Variants in MYO15A observed in about 807,000 individuals in gnomAD.
The protein encoded by MYO15A is myosin XVA, also known as unconventional myosin-XV.
In MYO15A, 308 loss-of-function variants were observed where a neutral mutation model predicts 394.6. The observed-to-expected ratio is 0.78, with a 90% CI of 0.71 to 0.86. The LOEUF (loss-of-function observed/expected upper bound fraction) is 0.86, where lower values mean the gene tolerates loss of function less well. Ranked by LOEUF, MYO15A falls within the 40% of genes least tolerant of loss-of-function variation. The pLI is 0.00. For missense variants in MYO15A, 4,606 were observed against 4,799.1 expected (o/e 0.96, Z 1.19); for synonymous variants, 1,957 against 2,003.8 (o/e 0.98, Z 0.62).
chr17:18,122,201 C>A lies in MYO15A; in HGVS notation c.3401C>A (p.Thr1134Asn), dbSNP rs1272560259. 2 of 1,613,050 alleles carry A rather than the reference C, an allele frequency of 1.2e-6. No homozygotes were observed. Among genetic ancestry groups the A allele is most frequent in the South Asian group, 1.1e-5 (1 of 91,096 alleles). ...LSSFQRVGPA[T>N]LKPQVQPIQD... ...TCTTTCCAGCGAGTTGGGCCTGCAA[C>A]CCTGAAGCCTCAAGTCCAGCCCATT... Residue 1134 changes from threonine (T) to asparagine (N), a missense_variant, in exon 2 of 66, where the codon ACC becomes AAC. Coordinates refer to ENST00000647165, the MANE Select transcript of MYO15A (RefSeq NM_016239.4).
At chr17:18,158,175 G>C (rs1465927019) in intron 51 of MYO15A, 1 of 594,926 alleles carries the variant, frequency 1.7e-6, no homozygotes, top group African/African-American at 1.9e-5. Context: ...AGACCAGCCG[G>C]GGCCCGCCAG....
chr17:18,142,552 C>A (rs1469421311), intron 24 of MYO15A, among the ~76,000 whole-genome samples: 1 of 152,216 alleles, frequency 6.6e-6, no homozygotes, highest in African/African-American at 2.4e-5. Flanking sequence ...CAGGTTTAAT[C>A]CAGGCCTTGC....
chr17:18,148,111 C>G lies in MYO15A; in HGVS notation c.6592C>G (p.Gln2198Glu). Residue 2198 changes from glutamine (Q) to glutamate (E), a missense_variant, in exon 31 of 66, where the codon CAG (glutamine) becomes GAG (glutamate). By Grantham distance (29) the Gln-to-Glu change is conservative. Around this residue, in one of 2 missense-constraint regions of MYO15A, gnomAD observed 2,776 missense variants for 3,109.3 expected, o/e 0.89. Transcript: ENST00000647165. This position sits in a 1 kb window ranked among gnomAD's most constrained non-coding sequence, Gnocchi z 4.8. Reference sequence around the variant, plus strand: ...GCAGGCCATGGGCCGGGCCCAACAGCAGGGCTCGGGGGCTGCCCGCACCTT... The same window carrying G: ...GCAGGCCATGGGCCGGGCCCAACAGGAGGGCTCGGGGGCTGCCCGCACCTT... ...LMQAMGRAQQ[Q>E]GSGAARTLPP... 1 of 1,613,926 alleles carries G rather than the reference C, an allele frequency of 6.2e-7. No individual in the cohort carries two copies. The highest frequency in any genetic ancestry group is 8.5e-7 in the Non-Finnish European group (1 of 1,180,034).
Position 18,148,327 on chromosome 17 carries a change from T to C in MYO15A, c.6691+117T>C. ...AGCTGGGGAGGGGCCTTCTCAGATG[T>C]GGCTCTGCGTGAAAGTCTGTGTGTG... On this transcript the variant is annotated intron_variant, in intron 31 of 65. Coordinates refer to ENST00000647165, the MANE Select transcript of MYO15A (RefSeq NM_016239.4). This position sits in a 1 kb window ranked among gnomAD's most constrained non-coding sequence, Gnocchi z 4.8. 6.7e-7 allele frequency: 1 copy of C among 1,487,796 alleles called. No individual in the cohort carries two copies. Among genetic ancestry groups the C allele is most frequent in the East Asian group, 2.5e-5 (1 of 40,804 alleles). 92.2% of individuals were successfully genotyped at this position (1,487,796 alleles called of 1,614,324 possible). A position where few individuals can be genotyped will look rare whatever the true frequency, so the allele number is the denominator to read the frequency against.
In MYO15A at chr17:18,162,488, G is replaced by T. The variant is rs1364470992; in HGVS notation, c.9518-97G>T. The T allele has an allele frequency of 3.7e-6, 4 of 1,076,126 alleles. No individual in the cohort carries two copies. The African/African-American group carries it at 6.2e-5, about 17-fold the overall frequency. The allele number at this position is 1,076,126 out of a possible 1,614,324, so 66.7% of individuals were successfully genotyped here. ...GTAAATGCCTTCCCCACAGCTTGTG[G>T]AGAGAATGCAGTGGGCTCATGGTTG... On this transcript the variant is annotated intron_variant, in intron 57 of 65. Transcript: ENST00000647165.
chr17:18,160,108 C>A, intron 56 of MYO15A, 91 bp downstream of exon 56: 1 of 1,256,220 alleles, frequency 8.0e-7, no homozygotes, highest in Non-Finnish European at 1.1e-6. Context: ...CAGGCCTGAC[C>A]CCTCCTGGAT....
At chr17:18,171,474 A>T (rs1429119593) in intron 62 of MYO15A, among the ~76,000 whole-genome samples, 164 bp from the exon 63 acceptor site, 1 of 152,184 alleles carries the variant, frequency 6.6e-6, no homozygotes, top group Non-Finnish European at 1.5e-5. Context: ...GTACCAAGGC[A>T]CTGTGGGCAC....
chr17:18,161,099 G>A, intron 56 of MYO15A: 1 of 701,730 alleles, frequency 1.4e-6, no homozygotes, highest in South Asian at 1.5e-5. Flanking sequence ...TCCCCTACCT[G>A]GGGAAGATGT....
chr17:18,118,903 C>T lies in MYO15A; in HGVS notation c.103C>T (p.Arg35Trp), dbSNP rs1432464116. 1.2e-6 allele frequency: 2 copies of T among 1,613,764 alleles called. No individual in the cohort carries two copies. The highest frequency in any genetic ancestry group is 1.7e-6 in the Non-Finnish European group (2 of 1,179,994). ...KPKRSLKGTS[R>W]LFMGFRDRTP... ...CAAACGGAGCCTGAAGGGGACGTCG[C>T]GGCTGTTCATGGGCTTCCGCGACCG... Residue 35 changes from arginine to tryptophan, a missense_variant, in exon 2 of 66, where the codon CGG becomes TGG. By Grantham distance (101) the Arg-to-Trp change is moderately radical. Around this residue, in one of 2 missense-constraint regions of MYO15A, gnomAD observed 1,830 missense variants for 1,689.7 expected, o/e 1.08. Coordinates refer to ENST00000647165, the MANE Select transcript of MYO15A (RefSeq NM_016239.4).
chr17:18,142,901 C>A, intron 25 of MYO15A, 61 bp downstream of exon 25: 2 of 1,482,566 alleles, frequency 1.3e-6, no homozygotes, highest in Non-Finnish European at 1.8e-6. Flanking sequence ...GGGCACTTAG[C>A]ACCCAAGAGG....
chr17:18,128,673 A>T (rs904325693), intron 7 of MYO15A, among the ~76,000 whole-genome samples: 3 of 152,246 alleles, frequency 2.0e-5, no homozygotes, highest in Non-Finnish European at 2.9e-5. Context: ...TCCTGTGGCC[A>T]GGCACAGTGC....
chr17:18,118,519 C>T (rs931423612), intron 1 of MYO15A, 63 bp from the exon 2 acceptor site: 14 of 507,552 alleles, frequency 2.8e-5, no homozygotes, highest in Middle Eastern at 5.3e-4. Context: ...CCAGCACAGG[C>T]CTCATAGGCA....
Position 18,143,988 on chromosome 17 carries a change from G to A in MYO15A, c.6165G>A (p.Gln2055=). ...INNYPMAKFV[Q]CHFKEPAFGM... is the part of the protein sequence containing the mutation. ...ACTATCCTATGGCCAAGTTTGTCCA[G>A]TGCCACTTCAAGGTAAGGGCTAGCT... Residue 2055 remains glutamine (Q), a synonymous_variant, in exon 28 of 66, where the codon CAG becomes CAA. Coordinates refer to ENST00000647165, the MANE Select transcript of MYO15A (RefSeq NM_016239.4). The A allele has an allele frequency of 1.2e-6, 2 of 1,613,544 alleles. No individual in the cohort carries two copies. Among genetic ancestry groups the A allele is most frequent in the Non-Finnish European group, 1.7e-6 (2 of 1,180,002 alleles).
In MYO15A at chr17:18,154,190, G is replaced by T. The variant is rs121908969; in HGVS notation, c.8148G>T (p.Gln2716His). 1 of 1,613,996 alleles carries T rather than the reference G, an allele frequency of 6.2e-7. No homozygotes were observed. The highest frequency in any genetic ancestry group is 1.1e-5 in the South Asian group (1 of 91,090). Residue 2716 changes from glutamine to histidine, a missense_variant and splice_region_variant, in exon 44 of 66, where the codon CAG becomes CAT. Physicochemically the swap from Gln to His is conservative, Grantham distance 24 (BLOSUM62 0). This residue lies in a region of MYO15A where 2,776 missense variants were observed against 3,109.3 expected (regional missense o/e 0.89). Coordinates refer to ENST00000647165, the MANE Select transcript of MYO15A (RefSeq NM_016239.4). ...HPVQLDLLFRQILHDTLSEAC... is the reference protein window; with the variant it reads ...HPVQLDLLFRHILHDTLSEAC... ...TGCAGCTTGACCTCCTGTTCCGGCA[G>T]GTGAGGTCCTGTCTCCCCTTTCTGC...
At chr17:18,175,590 C>A (rs11871039) in intron 65 of MYO15A, among the ~76,000 whole-genome samples, 1 of 151,950 alleles carries the variant, frequency 6.6e-6, no homozygotes, top group Non-Finnish European at 1.5e-5. Flanking sequence ...GCCACCACTC[C>A]TGGCCCCCTA....
intron 1 of MYO15A, among the ~76,000 whole-genome samples, chr17:18,112,224 C>T (rs777278044): frequency 5.3e-5 from 8 of 151,268 alleles, no homozygotes; most frequent in Non-Finnish European, 1.2e-4. Context: ...AAGTCTCTGA[C>T]CTCTCTCTGC....
At chr17:18,137,101 G>T (rs2046293711) in intron 15 of MYO15A, among the ~76,000 whole-genome samples, 1 of 151,400 alleles carries the variant, frequency 6.6e-6, no homozygotes. Flanking sequence ...TTCGTGTGTT[G>T]GGGGGTGACT....
rs746585333 is a variant in MYO15A at position 18,120,232 on chromosome 17, C to T, written c.1432C>T (p.Arg478Cys). 13 of 1,612,368 alleles carry T rather than the reference C, an allele frequency of 8.1e-6. No homozygotes were observed. The highest frequency in any genetic ancestry group is 5.9e-6 in the Non-Finnish European group (7 of 1,179,782). The change falls in exon 2 of 66, where the codon CGC (arginine) becomes TGC (cysteine). Residue 478 changes from arginine (R) to cysteine (C), a missense_variant. Physicochemically the swap from Arg to Cys is radical, Grantham distance 180 (BLOSUM62 -3). Around this residue, in one of 2 missense-constraint regions of MYO15A, gnomAD observed 1,830 missense variants for 1,689.7 expected, o/e 1.08. Coordinates refer to ENST00000647165, the MANE Select transcript of MYO15A (RefSeq NM_016239.4). Reference protein sequence around the residue: ...RSKLSLIRKFRLFPRPQVKLF... With the variant: ...RSKLSLIRKFCLFPRPQVKLF... ...CAAGCTGTCCCTCATCCGCAAGTTC[C>T]GCCTCTTCCCGCGACCCCAGGTGAA...
chr17:18,147,766 C>G lies in MYO15A; in HGVS notation c.6510-263C>G, dbSNP rs1451264850. Reference sequence around the variant, plus strand: ...CTTCTGGACTAGCCTGGGACCCTTTCAGTTTAGCCGTGGGACTCTAAACTA... The same window carrying G: ...CTTCTGGACTAGCCTGGGACCCTTTGAGTTTAGCCGTGGGACTCTAAACTA... On this transcript the variant is annotated intron_variant, in intron 30 of 65. Coordinates refer to ENST00000647165, the MANE Select transcript of MYO15A (RefSeq NM_016239.4). The surrounding 1 kb of genome is among the most constrained non-coding windows in gnomAD (Gnocchi z 4.4). Among the ~76,000 whole-genome samples the G allele has an allele frequency of 6.6e-6, 1 of 152,036 alleles. No homozygotes were observed. Among genetic ancestry groups the G allele is most frequent in the Non-Finnish European group, 1.5e-5 (1 of 68,010 alleles).
Sources: allele counts gnomAD v4.1 joint callset (sites outside exome capture counted in the v4.1 genomes callset), GRCh38; gene constraint gnomAD v4.1.1; regional missense constraint gnomAD v4.1.1; non-coding constraint Gnocchi (gnomAD v3.1); transcripts MANE v1.5; gene names NCBI Gene and HGNC (gene_info 2026-07-23, HGNC 2026-07-21).